Variants in BNC2 observed in about 807,000 individuals in gnomAD.
BNC2 encodes basonuclin zinc finger protein 2.
Under a neutral mutation model 76.3 loss-of-function variants are expected in BNC2, and 20 were observed. The observed-to-expected ratio is 0.26, with a 90% CI of 0.18 to 0.38. BNC2 has a LOEUF of 0.38. Among genes scored for constraint, BNC2 ranks in the 10% least tolerant of loss-of-function variants. The pLI is 1.00. For synonymous variants in BNC2, 582 were observed against 514.8 expected (o/e 1.13, Z -1.77); for missense variants, 1,382 against 1,399.8 (o/e 0.99, Z 0.20).
chr9:16,470,811 G>A (rs1271512982), intron 5 of BNC2, among the ~76,000 whole-genome samples: 1 of 152,240 alleles, frequency 6.6e-6, no homozygotes, highest in Non-Finnish European at 1.5e-5. Context: ...TGCTGCAGGG[G>A]CGGGGCCCTC....
chr9:16,779,654 C>T (rs745564092), intron 1 of BNC2, among the ~76,000 whole-genome samples: 1 of 151,886 alleles, frequency 6.6e-6, no homozygotes, highest in Non-Finnish European at 1.5e-5. Context: ...TATTAAGAGG[C>T]AAAGAAAATA....
At chr9:16,777,306 C>T (rs1825996060) in intron 1 of BNC2, among the ~76,000 whole-genome samples, 1 of 152,026 alleles carries the variant, frequency 6.6e-6, no homozygotes, top group Admixed American at 6.6e-5. Flanking sequence ...AGAACAGGGA[C>T]ATTCTGCCAC....
At chr9:16,435,108 G>C (rs1820978834) in intron 6 of BNC2, 1 of 470,950 alleles carries the variant, frequency 2.1e-6, no homozygotes, top group Non-Finnish European at 4.4e-6. Flanking sequence ...TTCTATATTG[G>C]ATAAATATGT....
chr9:16,639,658 T>C (rs568895653), intron 3 of BNC2, among the ~76,000 whole-genome samples: 96 of 152,040 alleles, frequency 6.3e-4, no homozygotes, highest in Admixed American at 4.7e-3. Context: ...GGCTCATGCC[T>C]GTAATCCCAG....
chr9:16,438,389 A>G (rs1345026710), intron 5 of BNC2, among the ~76,000 whole-genome samples: 1 of 152,240 alleles, frequency 6.6e-6, no homozygotes, highest in Non-Finnish European at 1.5e-5. Context: ...TAGCAAAGGG[A>G]GTCCACAGAG....
chr9:16,830,020 T>G (rs116362275), intron 1 of BNC2, among the ~76,000 whole-genome samples: 1,722 of 152,318 alleles, frequency 0.011, 34 homozygotes, highest in African/African-American at 0.039. Context: ...TATAAAAATA[T>G]TCACTACATT....
chr9:16,796,900 T>G (rs977026231), intron 1 of BNC2, among the ~76,000 whole-genome samples: 2 of 152,286 alleles, frequency 1.3e-5, no homozygotes, highest in African/African-American at 4.8e-5. Flanking sequence ...CTGTCAAATT[T>G]TCCTTAAATT....
chr9:16,805,899 T>A (rs555051627), intron 1 of BNC2, among the ~76,000 whole-genome samples: 2 of 152,282 alleles, frequency 1.3e-5, no homozygotes, highest in African/African-American at 4.8e-5. Flanking sequence ...TTTACCTATA[T>A]TGGTAACTGA....
At chr9:16,586,604 CT>C (rs1819778588) in intron 3 of BNC2, among the ~76,000 whole-genome samples, 1 of 2,368 alleles carries the variant, frequency 4.2e-4, no homozygotes, top group Non-Finnish European at 2.8e-3. Context: ...GCTCTCTCCT[CT>C]CTCTCTCTCT....
intron 5 of BNC2, among the ~76,000 whole-genome samples, chr9:16,549,312 C>A (rs1007679867): frequency 1.3e-5 from 2 of 152,206 alleles, no homozygotes; most frequent in Admixed American, 6.5e-5. Context: ...CAATCTGTAG[C>A]CAACTGCTAA....
intron 1 of BNC2, among the ~76,000 whole-genome samples, chr9:16,801,043 C>G (rs1034337543): frequency 6.6e-6 from 1 of 152,064 alleles, no homozygotes; most frequent in Non-Finnish European, 1.5e-5. Context: ...GAAAAAAGAA[C>G]CCAAAATGAT....
intron 5 of BNC2, among the ~76,000 whole-genome samples, chr9:16,467,583 C>CA (rs1188338905): frequency 2.2e-5 from 3 of 137,256 alleles, no homozygotes; most frequent in African/African-American, 5.6e-5. Context: ...ATCGCAAGAA[C>CA]AAAAAACCAA....
intron 3 of BNC2, among the ~76,000 whole-genome samples, chr9:16,595,166 T>G (rs924016979): frequency 6.6e-6 from 1 of 152,162 alleles, no homozygotes; most frequent in Non-Finnish European, 1.5e-5. Context: ...AACACTTGGT[T>G]TATTCTACAG....
At chr9:16,676,270 G>C (rs768382655) in intron 3 of BNC2, among the ~76,000 whole-genome samples, 1 of 152,026 alleles carries the variant, frequency 6.6e-6, no homozygotes, top group Admixed American at 6.5e-5. Flanking sequence ...AACATCACTA[G>C]CTATTCTTAT....
chr9:16,644,438 A>C (rs1821569998), intron 3 of BNC2, among the ~76,000 whole-genome samples: 2 of 152,216 alleles, frequency 1.3e-5, no homozygotes, highest in African/African-American at 2.4e-5. Context: ...ACTTAAAATT[A>C]AAGCTGGTAC....
At chr9:16,848,834 C>A (rs1323019765) in intron 1 of BNC2, among the ~76,000 whole-genome samples, 2 of 152,190 alleles carry the variant, frequency 1.3e-5, no homozygotes, top group Non-Finnish European at 2.9e-5. Flanking sequence ...GAAAATTCCA[C>A]ACCTGACACC....
chr9:16,760,476 TG>T (rs1825522203), intron 1 of BNC2, among the ~76,000 whole-genome samples: 1 of 152,080 alleles, frequency 6.6e-6, no homozygotes, highest in African/African-American at 2.4e-5. Context: ...GGGAGGAGGT[TG>T]GATAAAATGC....
intron 3 of BNC2, among the ~76,000 whole-genome samples, chr9:16,671,689 T>C (rs1033312480): frequency 6.6e-6 from 1 of 152,138 alleles, no homozygotes; most frequent in African/African-American, 2.4e-5. Flanking sequence ...GGTTGGCAAG[T>C]AAAGGAGAGC....
rs1820470889 is a variant in BNC2 at position 16,411,963 on chromosome 9, C to T, written c.*7026G>A. 6.6e-6 allele frequency: 1 copy of T among 152,234 alleles called. No individual in the cohort carries two copies. Among genetic ancestry groups the T allele is most frequent in the Non-Finnish European group, 1.5e-5 (1 of 68,042 alleles). The allele number at this position is 152,234 out of a possible 1,614,324, so 9.4% of individuals were successfully genotyped here. On this transcript the variant is annotated 3_prime_UTR_variant, in exon 7 of 7. Transcript: ENST00000380672. ...ATCTTGCACTTCATTTAGTCACTAA[C>T]TAGTCACTTTCCAACCATCATTTGA... is the stretch of plus-strand genomic sequence containing the variant.
Sources: allele counts gnomAD v4.1 joint callset (sites outside exome capture counted in the v4.1 genomes callset), GRCh38; gene constraint gnomAD v4.1.1; transcripts MANE v1.5; gene names NCBI Gene and HGNC (gene_info 2026-07-23, HGNC 2026-07-21).